The following HCK variants were observed in gnomAD, a reference collection of about 807,000 sequenced individuals.
HCK encodes HCK proto-oncogene, Src family tyrosine kinase, also known as tyrosine-protein kinase HCK.
In HCK, 40 loss-of-function variants were observed where a neutral mutation model predicts 70.4. That is an observed-to-expected ratio of 0.57 (90% CI 0.44 to 0.74). HCK has a LOEUF of 0.74. Ranked by LOEUF, HCK falls within the 30% of genes least tolerant of loss-of-function variation. HCK has a pLI of 0.00. For missense variants in HCK, 568 were observed against 697.2 expected (o/e 0.81, Z 2.09); for synonymous variants, 245 against 263.2 (o/e 0.93, Z 0.67).
intron 12 of HCK, 101 bp downstream of exon 12, chr20:32,099,236 C>T (rs952731192): frequency 1.6e-6 from 2 of 1,221,746 alleles, no homozygotes; most frequent in African/African-American, 3.0e-5. Context: ...TGATCCTCAC[C>T]CCCAACCTTC....
intron 1 of HCK, among the ~76,000 whole-genome samples, 193 bp downstream of exon 1, chr20:32,052,679 G>A (rs1306175250): frequency 6.6e-6 from 1 of 152,172 alleles, no homozygotes; most frequent in East Asian, 1.9e-4. Flanking sequence ...CCCTAGGGAG[G>A]GGCGGCACTG....
intron 10 of HCK, among the ~76,000 whole-genome samples, chr20:32,092,422 G>T (rs926687): frequency 0.46 from 69,857 of 151,922 alleles, 18,772 homozygotes; most frequent in African/African-American, 0.76. Flanking sequence ...ATCTTCAACC[G>T]CTTTTGTCCA....
intron 1 of HCK, among the ~76,000 whole-genome samples, chr20:32,062,238 G>A (rs2045391031): frequency 1.3e-5 from 2 of 151,948 alleles, no homozygotes; most frequent in South Asian, 4.1e-4. Flanking sequence ...CCATGCCCAG[G>A]ATGACTTACA....
intron 1 of HCK, among the ~76,000 whole-genome samples, chr20:32,065,456 C>T (rs942364839): frequency 1.3e-5 from 2 of 152,174 alleles, no homozygotes; most frequent in African/African-American, 4.8e-5. Context: ...TCAGGCATAG[C>T]TGGATCCAGG....
chr20:32,055,097 C>T (rs1309015108), intron 1 of HCK, among the ~76,000 whole-genome samples: 3 of 152,170 alleles, frequency 2.0e-5, no homozygotes, highest in African/African-American at 4.8e-5. Context: ...GTGTAGCTTT[C>T]GGCCCATGTA....
chr20:32,094,705 AAAAGAAAGAAAGAAAGAAAGAAAGAAAG>A (rs71185377), intron 11 of HCK, among the ~76,000 whole-genome samples: 29 of 74,916 alleles, frequency 3.9e-4, no homozygotes, highest in African/African-American at 7.8e-4. Flanking sequence ...AAAAGAAAAG[AAAAGAAAGAAAGAAAGAAAGAAAGAAAG>A]AAAGAAAGAA....
intron 1 of HCK, among the ~76,000 whole-genome samples, chr20:32,066,007 C>G (rs2045450883): frequency 6.6e-6 from 1 of 152,200 alleles, no homozygotes; most frequent in Admixed American, 6.5e-5. Context: ...TTCTGCATTT[C>G]TTACAGCTCC....
intron 3 of HCK, among the ~76,000 whole-genome samples, 163 bp downstream of exon 3, chr20:32,073,524 G>A (rs539604874): frequency 2.0e-5 from 3 of 152,308 alleles, no homozygotes; most frequent in Non-Finnish European, 2.9e-5. Flanking sequence ...TTTCTAGAAC[G>A]CTGTTTAGTA....
intron 1 of HCK, among the ~76,000 whole-genome samples, chr20:32,057,354 C>T (rs1002477254): frequency 6.6e-5 from 10 of 152,200 alleles, no homozygotes; most frequent in East Asian, 1.9e-4. Context: ...AATCCCAGCA[C>T]TTTGGGAGGC....
chr20:32,059,130 T>C (rs2045322034), intron 1 of HCK, among the ~76,000 whole-genome samples: 1 of 152,180 alleles, frequency 6.6e-6, no homozygotes, highest in African/African-American at 2.4e-5. Flanking sequence ...ACTGACAGCC[T>C]CTGCTTCAAC....
chr20:32,068,775 A>G (rs1003166596), intron 1 of HCK, among the ~76,000 whole-genome samples: 2 of 148,682 alleles, frequency 1.3e-5, no homozygotes, highest in South Asian at 2.3e-4. Flanking sequence ...CTGTCTCTAC[A>G]GAATATAAAT....
In HCK at chr20:32,086,163, G is replaced by A. The variant is rs1314594954; in HGVS notation, c.836-465G>A. The stretch of plus-strand genomic sequence containing the variant: ...GCCTCCCCAGTAGCTGGGACTACAG[G>A]CGCCCACAACTGCGCCTGGCTAATT... On this transcript the variant is annotated intron_variant, in intron 8 of 12. Transcript: ENST00000375852. 3.9e-5 allele frequency among the ~76,000 whole-genome samples: 6 copies of A among 152,144 alleles called. No homozygotes were observed. The East Asian group carries it at 9.6e-4, about 24-fold the overall frequency.
chr20:32,071,094 T>C (rs570954641), intron 1 of HCK, among the ~76,000 whole-genome samples: 1 of 152,354 alleles, frequency 6.6e-6, no homozygotes, highest in Non-Finnish European at 1.5e-5. Context: ...CATCTTGTTA[T>C]TTAATATAAA....
At chr20:32,089,130 G>C (rs973306912) in intron 10 of HCK, among the ~76,000 whole-genome samples, 20 of 152,316 alleles carry the variant, frequency 1.3e-4, no homozygotes, top group African/African-American at 4.6e-4. Flanking sequence ...GACAGAGCTG[G>C]ACCAGGGGCC....
In HCK at chr20:32,088,556, T is replaced by C; in HGVS notation, c.1016-12T>C. Reference sequence around the variant, plus strand: ...AAAAGTAGTAAATGTTCCTCCCCTCTCCCCCATATAGGAAGCTTGCTGGAC... The same window carrying C: ...AAAAGTAGTAAATGTTCCTCCCCTCCCCCCCATATAGGAAGCTTGCTGGAC... On this transcript the variant is annotated splice_polypyrimidine_tract_variant and intron_variant, in intron 9 of 12. Transcript: ENST00000375852. The C allele has an allele frequency of 1.2e-6, 2 of 1,605,106 alleles. No individual in the cohort carries two copies. Among genetic ancestry groups the C allele is most frequent in the South Asian group, 2.2e-5 (2 of 89,340 alleles).
chr20:32,099,294 C>CT (rs2045999753), intron 12 of HCK, among the ~76,000 whole-genome samples, 159 bp downstream of exon 12: 1 of 150,376 alleles, frequency 6.6e-6, no homozygotes, highest in Non-Finnish European at 1.5e-5. Flanking sequence ...CATCTAATGT[C>CT]TTAAGCCTGA....
At chr20:32,090,693 T>C (rs2045852664) in intron 10 of HCK, among the ~76,000 whole-genome samples, 1 of 152,122 alleles carries the variant, frequency 6.6e-6, no homozygotes, top group African/African-American at 2.4e-5. Flanking sequence ...TGGCACCCTA[T>C]CTGGGGGTCA....
chr20:32,092,591 C>T (rs2045879124), intron 10 of HCK, among the ~76,000 whole-genome samples: 1 of 152,146 alleles, frequency 6.6e-6, no homozygotes, highest in South Asian at 2.1e-4. Flanking sequence ...CACGCTCCTG[C>T]TCGAAGGCCT....
chr20:32,075,331 C>T (rs1011155194), intron 5 of HCK, among the ~76,000 whole-genome samples: 1 of 152,088 alleles, frequency 6.6e-6, no homozygotes, highest in Admixed American at 6.5e-5. Context: ...GTAGCTGGGA[C>T]TACAAGTGCG....
Sources: gnomAD v4.1 joint callset for allele counts (sites outside exome capture counted in the v4.1 genomes callset) on GRCh38, gnomAD v4.1.1 for gene constraint, MANE v1.5 for transcripts, NCBI Gene and HGNC (gene_info 2026-07-23, HGNC 2026-07-21) for gene names.